MAK: variants seen among roughly 807,000 people sequenced by gnomAD.
MAK encodes male germ cell associated kinase.
A neutral mutation model predicts 82.6 loss-of-function variants in MAK; 65 were observed. The observed-to-expected ratio is 0.79, with a 90% CI of 0.64 to 0.97. MAK has a LOEUF of 0.97. MAK is among the 50% of genes least tolerant of loss of function. The pLI is 0.00. For missense variants in MAK, 703 were observed against 780.2 expected, an observed-to-expected ratio of 0.90 and a Z score of 1.18; for synonymous variants, 250 against 274.2, an observed-to-expected ratio of 0.91 and a Z score of 0.87.
intron 5 of MAK, 144 bp from the exon 6 acceptor site, chr6:10,809,086 G>A (rs1776722120): frequency 1.3e-6 from 1 of 797,128 alleles, no homozygotes. Context: ...CATATTTATT[G>A]TCTAAGAAGT....
At chr6:10,830,124 CGTGT>C (rs35519970) in intron 2 of MAK, among the ~76,000 whole-genome samples, 11,799 of 141,254 alleles carry the variant, frequency 0.084, 565 homozygotes, top group South Asian at 0.11. Flanking sequence ...CCTGTGTGCA[CGTGT>C]GTGTGTGTGT....
rs1173730597 is a variant in MAK, at chr6:10,800,809, C to T, written c.831+1083G>A. Reference sequence around the variant, plus strand: ...GAGCCGAGATCATGCCATTGCACTCCAGCCTGGGCAACAAGAGTGAAACTC... The same window carrying T: ...GAGCCGAGATCATGCCATTGCACTCTAGCCTGGGCAACAAGAGTGAAACTC... On this transcript the variant is annotated intron_variant, in intron 8 of 14. Coordinates refer to ENST00000354489, the MANE Select transcript of MAK (RefSeq NM_001242957.3). This position sits in a 1 kb window ranked among gnomAD's most constrained non-coding sequence, Gnocchi z 4.2. Among the ~76,000 whole-genome samples the T allele has an allele frequency of 6.6e-6, 1 of 151,952 alleles. No homozygotes were observed. The highest frequency in any genetic ancestry group is 2.4e-5 in the African/African-American group (1 of 41,352).
chr6:10,828,117 TATCTG>T (rs1778517949), intron 2 of MAK, among the ~76,000 whole-genome samples: 1 of 152,256 alleles, frequency 6.6e-6, no homozygotes, highest in Non-Finnish European at 1.5e-5. Flanking sequence ...TATATTTACT[TATCTG>T]ATGATAATGA....
In MAK at chr6:10,818,933, T is replaced by A; in HGVS notation, c.109A>T (p.Arg37Ter). 1 of 1,567,952 alleles carries A rather than the reference T, an allele frequency of 6.4e-7. No individual in the cohort carries two copies. The highest frequency in any genetic ancestry group is 8.8e-7 in the Non-Finnish European group (1 of 1,139,078). ...GELVAIKRMK[R>*]KFYSWDECMN... is the part of the protein sequence containing the mutation. ...CATTCATCCCAAGAATAGAACTTTC[T>A]CTTCATCCTAAAATAAATTAGGGAA... The change falls in exon 3 of 15, where the codon AGA becomes TGA. Residue 37 changes from arginine (R) to a stop codon, truncating the protein, a stop_gained. Transcript: ENST00000354489. LOFTEE classifies it high-confidence loss of function.
At chr6:10,765,968 A>G (rs576231629) in intron 14 of MAK, among the ~76,000 whole-genome samples, 3 of 152,354 alleles carry the variant, frequency 2.0e-5, no homozygotes, top group South Asian at 2.1e-4. Flanking sequence ...AACTGCTTCA[A>G]CATTTCAAAG....
At chr6:10,803,260 G>T (rs564308360) in intron 7 of MAK, among the ~76,000 whole-genome samples, 2 of 152,304 alleles carry the variant, frequency 1.3e-5, no homozygotes, top group South Asian at 4.1e-4. Context: ...ATTACAGCCG[G>T]GCGTGGTGGC....
At chr6:10,802,460 C>CT in intron 7 of MAK, 2 of 172,792 alleles carry the variant, frequency 1.2e-5, no homozygotes, top group South Asian at 2.6e-4. Context: ...TGCGCACCAT[C>CT]ACACCTGGCT....
At chr6:10,799,510 C>T (rs1775844433) in intron 8 of MAK, among the ~76,000 whole-genome samples, 1 of 151,572 alleles carries the variant, frequency 6.6e-6, no homozygotes, top group South Asian at 2.1e-4. Flanking sequence ...TATTTCAGCA[C>T]TTTGGGAGGC....
At chr6:10,814,679 C>T (rs1015378908) in intron 4 of MAK, among the ~76,000 whole-genome samples, 3 of 149,466 alleles carry the variant, frequency 2.0e-5, no homozygotes, top group Non-Finnish European at 4.5e-5. Context: ...AAAAAAAAAG[C>T]GGGGGGGAAA....
intron 1 of MAK, among the ~76,000 whole-genome samples, chr6:10,837,805 T>A (rs1436071502): frequency 6.6e-6 from 1 of 152,146 alleles, no homozygotes; most frequent in African/African-American, 2.4e-5. Context: ...AAGGGACAGT[T>A]TTCGTCACAC....
intron 11 of MAK, among the ~76,000 whole-genome samples, chr6:10,782,063 C>T (rs1471615417): frequency 2.0e-5 from 3 of 151,938 alleles, no homozygotes; most frequent in East Asian, 1.9e-4. Context: ...AAAAATTAGC[C>T]GGGTGTGGTG....
rs1235014016 is a variant in MAK, at chr6:10,803,857, C to A, written c.526G>T (p.Val176Phe). The A allele has an allele frequency of 6.2e-7, 1 of 1,614,104 alleles. No individual in the cohort carries two copies. The highest frequency in any genetic ancestry group is 1.7e-5 in the Admixed American group (1 of 60,020). ...CACACATCAATGGGAGAACTATAAA[C>A]TGAAGATCTCAGTAAAACTTCAGGG... ...RAPEVLLRSSVYSSPIDVWAV... is the reference protein window; with the variant it reads ...RAPEVLLRSSFYSSPIDVWAV... The change falls in exon 7 of 15, where the codon GTT becomes TTT. Residue 176 changes from valine to phenylalanine, a missense_variant. Val to Phe is a conservative substitution (Grantham distance 50, BLOSUM62 -1). Transcript: ENST00000354489.
At chr6:10,815,938 ATATATATATG>A (rs1777461089) in intron 4 of MAK, among the ~76,000 whole-genome samples, 3 of 131,386 alleles carry the variant, frequency 2.3e-5, no homozygotes, top group African/African-American at 9.6e-5. Context: ...ATATATATAT[ATATATATATG>A]TATGTTTTCT....
intron 14 of MAK, among the ~76,000 whole-genome samples, chr6:10,765,767 T>G (rs564966150): frequency 3.2e-4 from 48 of 152,246 alleles, no homozygotes; most frequent in Non-Finnish European, 6.8e-4. Flanking sequence ...ATTACAGGTG[T>G]GAGCCATCGC....
At chr6:10,779,127 CAA>C (rs918122203) in intron 11 of MAK, among the ~76,000 whole-genome samples, 4 of 20,010 alleles carry the variant, frequency 2.0e-4, no homozygotes, top group Admixed American at 6.8e-4. Flanking sequence ...CACTTCGTCT[CAA>C]AAAAAAAAAA....
At chr6:10,784,602 G>T in intron 10 of MAK, 30 bp from the exon 11 acceptor site, 1 of 1,499,666 alleles carries the variant, frequency 6.7e-7, no homozygotes, top group Non-Finnish European at 9.1e-7. Flanking sequence ...TAGCATTACA[G>T]CACGAACAAC....
intron 11 of MAK, among the ~76,000 whole-genome samples, chr6:10,782,062 C>T (rs1774023661): frequency 6.6e-6 from 1 of 152,032 alleles, no homozygotes; most frequent in African/African-American, 2.4e-5. Flanking sequence ...CAAAAATTAG[C>T]CGGGTGTGGT....
At chr6:10,822,409 G>A (rs1309961756) in intron 2 of MAK, among the ~76,000 whole-genome samples, 51 of 151,134 alleles carry the variant, frequency 3.4e-4, no homozygotes, top group Non-Finnish European at 5.8e-4. Flanking sequence ...AGCCGAGATC[G>A]CGCCATTGCA....
chr6:10,806,384 A>C (rs1392485859), intron 6 of MAK, among the ~76,000 whole-genome samples: 1 of 151,590 alleles, frequency 6.6e-6, no homozygotes, highest in African/African-American at 2.4e-5. Flanking sequence ...GCTGGAGTGC[A>C]GTGGCGCGAT....
Sources: gnomAD v4.1 joint callset for allele counts (sites outside exome capture counted in the v4.1 genomes callset) on GRCh38, gnomAD v4.1.1 for gene constraint, Gnocchi (gnomAD v3.1) non-coding constraint, MANE v1.5 for transcripts, NCBI Gene and HGNC (gene_info 2026-07-23, HGNC 2026-07-21) for gene names.